SRGAP3: variants seen among roughly 807,000 people sequenced by gnomAD.
SRGAP3 encodes SLIT-ROBO Rho GTPase activating protein 3, also known as SLIT-ROBO Rho GTPase-activating protein 3.
In SRGAP3, 39 loss-of-function variants were observed where a neutral mutation model predicts 121.1. The observed-to-expected ratio is 0.32, with a 90% CI of 0.25 to 0.42. The LOEUF is 0.42. Among genes scored for constraint, SRGAP3 ranks in the 10% least tolerant of loss-of-function variants. The probability of loss-of-function intolerance (pLI) is 1.00; values close to 1 mark genes in which losing one functional copy is unlikely to be tolerated. For missense variants in SRGAP3, 1,213 were observed against 1,470.6 expected (o/e 0.82, Z 2.86); for synonymous variants, 601 against 570.0 (o/e 1.05, Z -0.77).
At chr3:9,314,637 C>T (rs1261844724) in intron 3 of SRGAP3, among the ~76,000 whole-genome samples, 2 of 151,906 alleles carry the variant, frequency 1.3e-5, no homozygotes, top group African/African-American at 2.4e-5. Flanking sequence ...GTCCAGCCTG[C>T]CCTCCTCTCC....
chr3:9,339,301 G>A (rs576253331), intron 1 of SRGAP3, among the ~76,000 whole-genome samples: 1 of 152,152 alleles, frequency 6.6e-6, no homozygotes, highest in Non-Finnish European at 1.5e-5. Flanking sequence ...ACCAAGTCTT[G>A]AGCACTCTCA....
intron 3 of SRGAP3, among the ~76,000 whole-genome samples, chr3:9,308,259 G>C (rs1955190232): frequency 6.6e-6 from 1 of 152,214 alleles, no homozygotes; most frequent in African/African-American, 2.4e-5. Context: ...GGTACCCTCT[G>C]GGTGGTGAAC....
intron 3 of SRGAP3, among the ~76,000 whole-genome samples, chr3:9,286,808 T>A (rs540895411): frequency 1.1e-3 from 165 of 151,730 alleles, no homozygotes; most frequent in African/African-American, 3.7e-3. Context: ...CTCACTGTGT[T>A]AGCCAGGATG....
At position 9,173,877 on chromosome 3, in the gene SRGAP3, G is replaced by A. The variant is rs1951076003; in HGVS notation, c.68-48960C>T. ...TCTTAACATTACCCCCAGAGCATGG[G>A]AACCAAGTTCATTTCCCACTGCAGC... On this transcript the variant is annotated intron_variant, in intron 1 of 21. Coordinates refer to ENST00000383836, the MANE Select transcript of SRGAP3 (RefSeq NM_014850.4). 2.0e-5 allele frequency among the ~76,000 whole-genome samples: 3 copies of A among 152,168 alleles called. No individual in the cohort carries two copies. The South Asian group carries it at 6.2e-4, about 32-fold the overall frequency.
intron 1 of SRGAP3, among the ~76,000 whole-genome samples, chr3:9,351,758 G>A (rs962530891): frequency 6.6e-6 from 1 of 152,088 alleles, no homozygotes; most frequent in African/African-American, 2.4e-5. Context: ...CAGGTTTGTA[G>A]CCTAGGAGCA....
chr3:8,994,243 G>A (rs1942250105), intron 19 of SRGAP3, 100 bp downstream of exon 19: 1 of 1,474,502 alleles, frequency 6.8e-7, no homozygotes. Flanking sequence ...ATCAAGGAGA[G>A]CAAATTGCTG....
intron 3 of SRGAP3, among the ~76,000 whole-genome samples, chr3:9,099,798 C>T (rs1948141245): frequency 6.6e-6 from 1 of 152,188 alleles, no homozygotes; most frequent in Non-Finnish European, 1.5e-5. Context: ...TTTAATAAAG[C>T]CTCCAGGTGA....
intron 3 of SRGAP3, among the ~76,000 whole-genome samples, chr3:9,302,666 G>T (rs1484080434): frequency 6.6e-6 from 1 of 152,184 alleles, no homozygotes; most frequent in Admixed American, 6.5e-5. Flanking sequence ...CAAAACCCCT[G>T]CTGGCTGTAG....
At chr3:9,362,162 CTTTTTTTTTTTTTTTTT>C (rs36036357) in intron 1 of SRGAP3, among the ~76,000 whole-genome samples, 1 of 90,930 alleles carries the variant, frequency 1.1e-5, no homozygotes, top group African/African-American at 4.8e-5. Flanking sequence ...AGGTTCAACT[CTTTTTTTTTTTTTTTTT>C]TTTTTTTTTT....
At chr3:9,139,517 A>C (rs549309708) in intron 1 of SRGAP3, among the ~76,000 whole-genome samples, 1 of 152,232 alleles carries the variant, frequency 6.6e-6, no homozygotes, top group South Asian at 2.1e-4. Context: ...TAGCCACCAG[A>C]AACTGGAAGA....
intron 15 of SRGAP3, among the ~76,000 whole-genome samples, chr3:9,015,140 C>T (rs1462761689): frequency 6.6e-6 from 1 of 152,178 alleles, no homozygotes; most frequent in Non-Finnish European, 1.5e-5. Context: ...GTCTCCCCAT[C>T]ACCCAAGGGG....
intron 1 of SRGAP3, among the ~76,000 whole-genome samples, chr3:9,174,140 A>G (rs934612956): frequency 6.6e-6 from 1 of 152,236 alleles, no homozygotes; most frequent in African/African-American, 2.4e-5. Context: ...GAATCCACTT[A>G]TATGAGGTAC....
chr3:8,995,230 G>C (rs1340285159), intron 18 of SRGAP3, among the ~76,000 whole-genome samples: 1 of 151,946 alleles, frequency 6.6e-6, no homozygotes, highest in East Asian at 1.9e-4. Context: ...CCAACACTTC[G>C]GGAGGCTGAG....
chr3:9,053,400 C>A (rs1449336464), intron 8 of SRGAP3, among the ~76,000 whole-genome samples, 176 bp from the exon 9 acceptor site: 1 of 152,184 alleles, frequency 6.6e-6, no homozygotes, highest in African/African-American at 2.4e-5. Flanking sequence ...AGTCACCAAC[C>A]CAAAATCACA....
chr3:9,142,530 C>T (rs1453761534), intron 1 of SRGAP3, among the ~76,000 whole-genome samples: 1 of 152,230 alleles, frequency 6.6e-6, no homozygotes, highest in East Asian at 1.9e-4. Flanking sequence ...CTGCCAAGCT[C>T]ATATTTCATG....
Position 9,148,863 on chromosome 3 carries a change from T to G in SRGAP3, c.68-23946A>C, listed in dbSNP as rs371487928. ...ACCTGAGAGTGGGCTGAAGAAAGAATGGATTCCTTGGAATTATGTGAGTTG... is the reference window on the plus strand; with the variant it reads ...ACCTGAGAGTGGGCTGAAGAAAGAAGGGATTCCTTGGAATTATGTGAGTTG... On this transcript the variant is annotated intron_variant, in intron 1 of 21. Transcript: ENST00000383836. Among the ~76,000 whole-genome samples the G allele has an allele frequency of 1.4e-4, 22 of 152,166 alleles. 1 individual carries two copies. The East Asian group carries it at 2.9e-3, about 20-fold the overall frequency.
intron 4 of SRGAP3, among the ~76,000 whole-genome samples, chr3:9,071,273 C>A (rs867273715): frequency 3.7e-4 from 56 of 151,956 alleles, no homozygotes; most frequent in Admixed American, 1.6e-3. Context: ...GAATAGCCCC[C>A]TAATTTTATT....
At chr3:9,348,545 C>T in intron 1 of SRGAP3, 1 of 769,374 alleles carries the variant, frequency 1.3e-6, no homozygotes, top group East Asian at 2.5e-5. Context: ...CCCAGCGGGC[C>T]ATAAGGAGGC....
intron 2 of SRGAP3, among the ~76,000 whole-genome samples, 172 bp from the exon 3 acceptor site, chr3:9,105,014 C>G (rs1007021758): frequency 6.6e-6 from 1 of 152,240 alleles, no homozygotes; most frequent in Non-Finnish European, 1.5e-5. Context: ...AAGGGATCCT[C>G]CAAGGTCACA....
Sources: allele counts gnomAD v4.1 joint callset (sites outside exome capture counted in the v4.1 genomes callset), GRCh38; gene constraint gnomAD v4.1.1; transcripts MANE v1.5; gene names NCBI Gene and HGNC (gene_info 2026-07-23, HGNC 2026-07-21).